The following LOXHD1 variants were observed in gnomAD, a reference collection of about 807,000 sequenced individuals.
LOXHD1 encodes lipoxygenase homology domain-containing protein 1.
In LOXHD1, 205 loss-of-function variants were observed where a neutral mutation model predicts 248.2. The ratio of observed to expected loss-of-function variants is 0.83; its 90% CI spans 0.74 to 0.93. The LOEUF (loss-of-function observed/expected upper bound fraction) is 0.93, where lower values mean the gene tolerates loss of function less well. Ranked by LOEUF, LOXHD1 falls within the 40% of genes least tolerant of loss-of-function variation. The pLI is 0.00. For synonymous variants in LOXHD1, 1,113 were observed against 1,162.8 expected (o/e 0.96, Z 0.87); for missense variants, 2,930 against 2,971.6 (o/e 0.99, Z 0.33).
At chr18:46,629,792 TAA>T (rs774591794) in intron 4 of LOXHD1, among the ~76,000 whole-genome samples, 78 of 126,550 alleles carry the variant, frequency 6.2e-4, no homozygotes, top group Non-Finnish European at 7.4e-4. Context: ...CACTGGGCAT[TAA>T]AAAAAAAAAA....
intron 6 of LOXHD1, among the ~76,000 whole-genome samples, chr18:46,606,563 A>C (rs2038416534): frequency 6.6e-6 from 1 of 152,184 alleles, no homozygotes; most frequent in Admixed American, 6.5e-5. Flanking sequence ...GGGTACTTGC[A>C]TAAGGTGTAT....
At chr18:46,627,672 A>C (rs2038762095) in intron 4 of LOXHD1, among the ~76,000 whole-genome samples, 1 of 152,162 alleles carries the variant, frequency 6.6e-6, no homozygotes, top group Non-Finnish European at 1.5e-5. Flanking sequence ...GCCACAGTGA[A>C]AATATGAGGT....
intron 4 of LOXHD1, among the ~76,000 whole-genome samples, chr18:46,634,307 A>C (rs748321144): frequency 1.2e-4 from 19 of 152,220 alleles, no homozygotes; most frequent in Non-Finnish European, 2.2e-4. Context: ...TATTATGCTA[A>C]GTGAAATGAG....
intron 33 of LOXHD1, among the ~76,000 whole-genome samples, chr18:46,519,725 C>T (rs186346670): frequency 2.0e-5 from 3 of 152,270 alleles, no homozygotes; most frequent in South Asian, 2.1e-4. Context: ...CTGGTCCGTC[C>T]GACTCTTGTG....
intron 3 of LOXHD1, 123 bp downstream of exon 3, chr18:46,641,833 G>T: frequency 2.2e-6 from 2 of 918,976 alleles, no homozygotes; most frequent in Non-Finnish European, 3.4e-6. Flanking sequence ...GGAAAGATTT[G>T]GGCCTTTGGT....
At chr18:46,649,111 G>A (rs2039073611) in intron 2 of LOXHD1, 44 bp downstream of exon 2, 2 of 1,491,812 alleles carry the variant, frequency 1.3e-6, no homozygotes, top group Non-Finnish European at 1.8e-6. Context: ...CTAATCAACA[G>A]GACTAATGGC....
intron 6 of LOXHD1, among the ~76,000 whole-genome samples, chr18:46,604,660 C>T (rs957859536): frequency 2.0e-5 from 3 of 152,114 alleles, no homozygotes; most frequent in African/African-American, 7.2e-5. Flanking sequence ...ACTGCAAGCC[C>T]CACATCAGGC....
chr18:46,484,655 G>A (rs1037414377), intron 39 of LOXHD1, among the ~76,000 whole-genome samples: 2 of 152,200 alleles, frequency 1.3e-5, no homozygotes, highest in African/African-American at 2.4e-5. Flanking sequence ...GGGGGAGGTG[G>A]AGGCTGTCTC....
intron 37 of LOXHD1, among the ~76,000 whole-genome samples, chr18:46,495,606 C>T (rs1037632694): frequency 2.6e-5 from 4 of 152,130 alleles, no homozygotes; most frequent in South Asian, 2.1e-4. Flanking sequence ...CATCAATAAA[C>T]GGTATTTCCT....
chr18:46,609,592 C>T lies in LOXHD1; in HGVS notation c.759+1184G>A, dbSNP rs188966124. On this transcript the variant is annotated intron_variant, in intron 6 of 40. Transcript: ENST00000642948. ...TTCTGTAATGAACAGAAATATTATACGTTGATGTCTTCATAACTGAGGGAA... is the reference window on the plus strand; with the variant it reads ...TTCTGTAATGAACAGAAATATTATATGTTGATGTCTTCATAACTGAGGGAA... Among the ~76,000 whole-genome samples the T allele has an allele frequency of 4.3e-4, 65 of 152,270 alleles. No individual in the cohort carries two copies. The East Asian group carries it at 0.011, about 26-fold the overall frequency.
At chr18:46,629,894 T>A (rs60848895) in intron 4 of LOXHD1, among the ~76,000 whole-genome samples, 17 of 152,104 alleles carry the variant, frequency 1.1e-4, no homozygotes, top group African/African-American at 2.9e-4. Flanking sequence ...TCCCACCACC[T>A]GCATGCGCCC....
chr18:46,484,761 T>G (rs530350843), intron 39 of LOXHD1, among the ~76,000 whole-genome samples: 15 of 152,224 alleles, frequency 9.9e-5, no homozygotes, highest in African/African-American at 3.6e-4. Flanking sequence ...TACGTAGATG[T>G]GGGGCAATGT....
intron 31 of LOXHD1, among the ~76,000 whole-genome samples, chr18:46,524,071 C>A (rs2144158383): frequency 6.6e-6 from 1 of 152,254 alleles, no homozygotes; most frequent in Non-Finnish European, 1.5e-5. Context: ...TTGTCCAAGG[C>A]CACACATTTT....
At chr18:46,504,066 C>T (rs776722495) in intron 37 of LOXHD1, among the ~76,000 whole-genome samples, 10 of 152,112 alleles carry the variant, frequency 6.6e-5, no homozygotes, top group Non-Finnish European at 1.2e-4. Context: ...CAATAAAGTG[C>T]TTTTGCTGCA....
chr18:46,540,044 G>A (rs958471093), intron 25 of LOXHD1, among the ~76,000 whole-genome samples: 1 of 152,210 alleles, frequency 6.6e-6, no homozygotes, highest in Admixed American at 6.5e-5. Flanking sequence ...CTTCCTACAT[G>A]TCAGACTCTG....
chr18:46,559,262 C>A (rs886801707), intron 20 of LOXHD1, 186 bp downstream of exon 20: 5 of 1,525,590 alleles, frequency 3.3e-6, no homozygotes, highest in Non-Finnish European at 4.4e-6. Context: ...GCCCTGCCTG[C>A]AATTCTCTCA....
rs2037760364 is a variant in LOXHD1 at position 46,571,978 on chromosome 18, C to T, written c.2047+108G>A. On this transcript the variant is annotated intron_variant, in intron 15 of 40. Coordinates refer to ENST00000642948, the MANE Select transcript of LOXHD1 (RefSeq NM_001384474.1). ...CCTCCCTCTCCTCCCTCCCCACTGCCACCTCTGTGAAACATGAAGTGCTCG... is the reference window on the plus strand; with the variant it reads ...CCTCCCTCTCCTCCCTCCCCACTGCTACCTCTGTGAAACATGAAGTGCTCG... 13 of 955,818 alleles carry T rather than the reference C, an allele frequency of 1.4e-5. No homozygotes were observed. The South Asian group carries it at 1.5e-4, about 11-fold the overall frequency. 59.2% of individuals were successfully genotyped at this position (955,818 alleles called of 1,614,324 possible).
intron 4 of LOXHD1, among the ~76,000 whole-genome samples, chr18:46,619,274 T>C (rs1008498077): frequency 3.9e-5 from 6 of 152,220 alleles, no homozygotes; most frequent in Admixed American, 3.9e-4. Flanking sequence ...ACTAGAGCTG[T>C]TCTAATCAAG....
intron 8 of LOXHD1, among the ~76,000 whole-genome samples, chr18:46,594,762 A>C (rs761736006): frequency 6.6e-6 from 1 of 152,246 alleles, no homozygotes; most frequent in Non-Finnish European, 1.5e-5. Flanking sequence ...ATAAATTCTC[A>C]GTTAATCTGA....
Sources: gnomAD v4.1 joint callset for allele counts (sites outside exome capture counted in the v4.1 genomes callset) on GRCh38, gnomAD v4.1.1 for gene constraint, MANE v1.5 for transcripts, NCBI Gene and HGNC (gene_info 2026-07-23, HGNC 2026-07-21) for gene names.